ARL8A: variants seen among roughly 807,000 people sequenced by gnomAD.
ARL8A encodes ADP-ribosylation factor-like protein 8A.
In ARL8A, 10 loss-of-function variants were observed where a neutral mutation model predicts 31.2. That is an observed-to-expected ratio of 0.32 (90% CI 0.20 to 0.54). The LOEUF (loss-of-function observed/expected upper bound fraction) is 0.54. Ranked by LOEUF, ARL8A falls within the 20% of genes least tolerant of loss-of-function variation. The pLI is 0.93. For missense variants in ARL8A, 129 were observed against 242.8 expected (o/e 0.53, Z 3.12); for synonymous variants, 70 against 86.9 (o/e 0.81, Z 1.08).
chr1:202,143,219 C>A (rs1290099825), intron 1 of ARL8A, among the ~76,000 whole-genome samples: 2 of 152,206 alleles, frequency 1.3e-5, no homozygotes, highest in Non-Finnish European at 2.9e-5. Context: ...ATTGTGTAAC[C>A]ACAGGATGCC....
At chr1:202,142,834 C>A (rs780837805) in intron 1 of ARL8A, among the ~76,000 whole-genome samples, 15 of 152,140 alleles carry the variant, frequency 9.9e-5, no homozygotes, top group South Asian at 4.1e-4. Context: ...CTGTGGATCC[C>A]TGTCCCAGAG....
chr1:202,139,714 C>T (rs1302737737), intron 1 of ARL8A, among the ~76,000 whole-genome samples: 1 of 126,494 alleles, frequency 7.9e-6, no homozygotes, highest in Non-Finnish European at 1.6e-5. Flanking sequence ...GATGTGATCT[C>T]AGCTCACTGC....
At position 202,138,434 on chromosome 1, in the gene ARL8A, G is replaced by A. The variant is rs150259035; in HGVS notation, c.138C>T (p.Asn46=). The stretch of plus-strand genomic sequence containing the variant: ...AACCCACGGTGGGGATCATGTCCTC[G>A]TTGAACTGTCCTGACTGGAAAGAAG... ...FVNVIASGQF[N]EDMIPTVGFN... The change falls in exon 2 of 7, where the codon AAC becomes AAT. Residue 46 remains asparagine (N), a synonymous_variant. Transcript: ENST00000272217. The surrounding 1 kb of genome is among the most constrained non-coding windows in gnomAD (Gnocchi z 4.4). 9.9e-6 allele frequency: 16 copies of A among 1,613,832 alleles called. No individual in the cohort carries two copies. In the East Asian group the frequency reaches 1.1e-4, roughly 11 times the overall value.
At position 202,144,028 on chromosome 1, in the gene ARL8A, C is replaced by T. The variant is rs532082678; in HGVS notation, c.123+422G>A. Among the ~76,000 whole-genome samples the T allele has an allele frequency of 4.3e-4, 66 of 152,342 alleles. No homozygotes were observed. The highest frequency in any genetic ancestry group is 3.5e-3 in the Admixed American group (54 of 15,308). On this transcript the variant is annotated intron_variant, in intron 1 of 6. Transcript: ENST00000272217. The surrounding 1 kb of genome is among the most constrained non-coding windows in gnomAD (Gnocchi z 5.2). ...AAACCCCCTCCTCAAGCCTCTCGGC[C>T]GCCCCGTCCCGTGACCCTCTACCCG...
At chr1:202,142,538 C>T (rs1252251926) in intron 1 of ARL8A, among the ~76,000 whole-genome samples, 4 of 152,204 alleles carry the variant, frequency 2.6e-5, no homozygotes, top group African/African-American at 9.7e-5. Context: ...GGGTGGTTTT[C>T]CTTGGGAAGC....
chr1:202,134,735 A>C lies in ARL8A; in HGVS notation c.512-219T>G, dbSNP rs1201620093. ...GGCTGCAGTGAGCTATGGTCACGCC[A>C]CTGAACTCCAGCCTGGGTGACAGAG... On this transcript the variant is annotated intron_variant, in intron 6 of 6. Coordinates refer to ENST00000272217, the MANE Select transcript of ARL8A (RefSeq NM_138795.4). The surrounding 1 kb of genome is among the most constrained non-coding windows in gnomAD (Gnocchi z 4.2). Among the ~76,000 whole-genome samples the C allele has an allele frequency of 1.3e-5, 2 of 152,160 alleles. No homozygotes were observed. The highest frequency in any genetic ancestry group is 2.9e-5 in the Non-Finnish European group (2 of 68,028).
At position 202,144,296 on chromosome 1, in the gene ARL8A, C is replaced by T. The variant is rs1655244029; in HGVS notation, c.123+154G>A. ...CCCCACGGCACGGGCCGTACTAGGCCCCAAGCGCTCGGGGCCGGCTCCTCC... is the reference window on the plus strand; with the variant it reads ...CCCCACGGCACGGGCCGTACTAGGCTCCAAGCGCTCGGGGCCGGCTCCTCC... On this transcript the variant is annotated intron_variant, in intron 1 of 6. Transcript: ENST00000272217. This position sits in a 1 kb window ranked among gnomAD's most constrained non-coding sequence, Gnocchi z 5.2. 6.6e-6 allele frequency among the ~76,000 whole-genome samples: 1 copy of T among 151,644 alleles called. No individual in the cohort carries two copies. Among genetic ancestry groups the T allele is most frequent in the Non-Finnish European group, 1.5e-5 (1 of 67,856 alleles).
chr1:202,137,410 C>T (rs2147811397), intron 3 of ARL8A, among the ~76,000 whole-genome samples: 1 of 152,172 alleles, frequency 6.6e-6, no homozygotes, highest in East Asian at 1.9e-4. Context: ...GGCAGATCAC[C>T]TGAGGTCGGG....
rs190515663 is a variant in ARL8A, at chr1:202,134,761, C to T, written c.512-245G>A. On this transcript the variant is annotated intron_variant, in intron 6 of 6. Transcript: ENST00000272217. The surrounding 1 kb of genome is among the most constrained non-coding windows in gnomAD (Gnocchi z 4.2). ...CTGAACTCCAGCCTGGGTGACAGAG[C>T]GAGACACTTTCTCAAAAACAAACAA... is the stretch of plus-strand genomic sequence containing the variant. Among the ~76,000 whole-genome samples the T allele has an allele frequency of 6.6e-4, 101 of 152,220 alleles. No homozygotes were observed. Among genetic ancestry groups the T allele is most frequent in the African/African-American group, 2.4e-3 (100 of 41,556 alleles).
chr1:202,142,657 T>C (rs1240343105), intron 1 of ARL8A, among the ~76,000 whole-genome samples: 1 of 152,192 alleles, frequency 6.6e-6, no homozygotes, highest in Non-Finnish European at 1.5e-5. Flanking sequence ...GGGGTGCTTT[T>C]CCTGTATATC....
In ARL8A at chr1:202,138,326, C is replaced by A. The variant is rs868616944; in HGVS notation, c.204+42G>T. 1.0e-4 allele frequency: 152 copies of A among 1,504,226 alleles called. No homozygotes were observed. Among genetic ancestry groups the A allele is most frequent in the Non-Finnish European group, 1.2e-4 (136 of 1,089,520 alleles). 93.2% of individuals were successfully genotyped at this position (1,504,226 alleles called of 1,614,324 possible). A position where few individuals can be genotyped will look rare whatever the true frequency, so the allele number is the denominator to read the frequency against. ...ACACACACACACACACACACACACA[C>A]AAAAACAGTCCTCTGCACCCCCCAA... On this transcript the variant is annotated intron_variant, in intron 2 of 6. Transcript: ENST00000272217. The surrounding 1 kb of genome is among the most constrained non-coding windows in gnomAD (Gnocchi z 4.4).
rs1655235179 is a variant in ARL8A, at chr1:202,144,038, C to T, written c.123+412G>A. On this transcript the variant is annotated intron_variant, in intron 1 of 6. Coordinates refer to ENST00000272217, the MANE Select transcript of ARL8A (RefSeq NM_138795.4). The surrounding 1 kb of genome is among the most constrained non-coding windows in gnomAD (Gnocchi z 5.2). ...CTCAAGCCTCTCGGCCGCCCCGTCC[C>T]GTGACCCTCTACCCGCGGGACAGGA... Among the ~76,000 whole-genome samples the T allele has an allele frequency of 6.6e-6, 1 of 152,224 alleles. No homozygotes were observed. Among genetic ancestry groups the T allele is most frequent in the African/African-American group, 2.4e-5 (1 of 41,476 alleles).
Position 202,135,406 on chromosome 1 carries a change from T to C in ARL8A, c.440+53A>G. On this transcript the variant is annotated intron_variant, in intron 5 of 6. Coordinates refer to ENST00000272217, the MANE Select transcript of ARL8A (RefSeq NM_138795.4). The surrounding 1 kb of genome is among the most constrained non-coding windows in gnomAD (Gnocchi z 5.3). ...CAGCAGCAAGCCTAGGCTGTTGGTC[T>C]GGTGGTTGGGGAATTGGGAGAGCAG... 1 of 1,591,318 alleles carries C rather than the reference T, an allele frequency of 6.3e-7. No individual in the cohort carries two copies. The highest frequency in any genetic ancestry group is 2.2e-5 in the East Asian group (1 of 44,714).
At position 202,138,478 on chromosome 1, in the gene ARL8A, T is replaced by G. The variant is rs1292718136; in HGVS notation, c.124-30A>C. 6.2e-7 allele frequency: 1 copy of G among 1,604,650 alleles called. No homozygotes were observed. The highest frequency in any genetic ancestry group is 1.7e-5 in the Admixed American group (1 of 59,988). On this transcript the variant is annotated intron_variant, in intron 1 of 6. Coordinates refer to ENST00000272217, the MANE Select transcript of ARL8A (RefSeq NM_138795.4). This position sits in a 1 kb window ranked among gnomAD's most constrained non-coding sequence, Gnocchi z 4.4. ...AAAGAAGACTCAGAATGGGAAACAG[T>G]GCAAAAATCGATATGCCCCCACCGC...
chr1:202,135,780 TC>T lies in ARL8A; in HGVS notation c.298del (p.Asp100ThrfsTer27). On this transcript the variant is annotated frameshift_variant, in exon 4 of 7. Coordinates refer to ENST00000272217, the MANE Select transcript of ARL8A (RefSeq NM_138795.4). LOFTEE classifies it high-confidence loss of function. This position sits in a 1 kb window ranked among gnomAD's most constrained non-coding sequence, Gnocchi z 5.3. ...SAIVYMVDAA[D>X]QEKIEASKNE... The stretch of plus-strand genomic sequence containing the variant: ...CTTAGAGGCCTCAATCTTCTCCTGG[TC>T]AGCAGCATCCACCATGTACCTGGGG... 1 of 1,614,124 alleles carries T rather than the reference TC, an allele frequency of 6.2e-7. No individual in the cohort carries two copies. Among genetic ancestry groups the T allele is most frequent in the Non-Finnish European group, 8.5e-7 (1 of 1,180,002 alleles).
At position 202,135,751 on chromosome 1, in the gene ARL8A, C is replaced by T; in HGVS notation, c.328G>A (p.Glu110Lys). Reference protein sequence around the residue: ...DQEKIEASKNELHNLLDKPQL... With the variant: ...DQEKIEASKNKLHNLLDKPQL... ...GGTTTGTCCAGTAGGTTGTGGAGCTCGTTCTTAGAGGCCTCAATCTTCTCC... is the reference window on the plus strand; with the variant it reads ...GGTTTGTCCAGTAGGTTGTGGAGCTTGTTCTTAGAGGCCTCAATCTTCTCC... The change falls in exon 4 of 7, where the codon GAG (glutamate) becomes AAG (lysine). Residue 110 changes from glutamate (E) to lysine (K), a missense_variant. Glu to Lys is a moderately conservative substitution (Grantham distance 56). Coordinates refer to ENST00000272217, the MANE Select transcript of ARL8A (RefSeq NM_138795.4). This position sits in a 1 kb window ranked among gnomAD's most constrained non-coding sequence, Gnocchi z 5.3. 3 of 1,614,090 alleles carry T rather than the reference C, an allele frequency of 1.9e-6. No homozygotes were observed. Among genetic ancestry groups the T allele is most frequent in the Non-Finnish European group, 2.5e-6 (3 of 1,180,020 alleles).
intron 1 of ARL8A, among the ~76,000 whole-genome samples, chr1:202,139,510 T>A (rs1432362288): frequency 6.7e-6 from 1 of 150,296 alleles, no homozygotes; most frequent in Non-Finnish European, 1.5e-5. Flanking sequence ...GAGGTGGAGG[T>A]TGCAGTGAGC....
Position 202,137,984 on chromosome 1 carries a change from G to C in ARL8A, c.259C>G (p.Arg87Gly). The change falls in exon 3 of 7, where the codon CGA (arginine) becomes GGA (glycine). Residue 87 changes from arginine (R) to glycine (G), a missense_variant. Coordinates refer to ENST00000272217, the MANE Select transcript of ARL8A (RefSeq NM_138795.4). ...RFRSMWERYCRGVSAIVYMVD... is the reference protein window; with the variant it reads ...RFRSMWERYCGGVSAIVYMVD... ...ACTTACACGATGGCGCTCACTCCTC[G>C]GCAGTAGCGCTCCCACATGCTGCGG... is the stretch of plus-strand genomic sequence containing the variant. The C allele has an allele frequency of 6.2e-7, 1 of 1,614,078 alleles. No individual in the cohort carries two copies. Among genetic ancestry groups the C allele is most frequent in the Non-Finnish European group, 8.5e-7 (1 of 1,180,034 alleles).
At position 202,134,597 on chromosome 1, in the gene ARL8A, A is replaced by C; in HGVS notation, c.512-81T>G. The C allele has an allele frequency of 2.3e-6, 3 of 1,296,408 alleles. No individual in the cohort carries two copies. The highest frequency in any genetic ancestry group is 1.5e-5 in the African/African-American group (1 of 68,192). 80.3% of individuals were successfully genotyped at this position (1,296,408 alleles called of 1,614,324 possible). On this transcript the variant is annotated intron_variant, in intron 6 of 6. Transcript: ENST00000272217. The surrounding 1 kb of genome is among the most constrained non-coding windows in gnomAD (Gnocchi z 4.2). ...GCAGCAGAGAGGCCCAAGAAACCAA[A>C]CCTAAGGGTATCAGAAGTCCAGAGA...
Sources: gnomAD v4.1 joint callset for allele counts (sites outside exome capture counted in the v4.1 genomes callset) on GRCh38, gnomAD v4.1.1 for gene constraint, Gnocchi (gnomAD v3.1) non-coding constraint, MANE v1.5 for transcripts, NCBI Gene and HGNC (gene_info 2026-07-23, HGNC 2026-07-21) for gene names.